MYOCD: variants seen among roughly 807,000 people sequenced by gnomAD.
MYOCD encodes the protein myocardin.
Under a neutral mutation model 96.1 loss-of-function variants are expected in MYOCD, and 32 were observed. That is an observed-to-expected ratio of 0.33 (90% confidence interval 0.25 to 0.45). MYOCD has a LOEUF of 0.45. Ranked by LOEUF, MYOCD falls within the 20% of genes least tolerant of loss-of-function variation. The pLI is 1.00. For missense variants in MYOCD, 1,133 were observed against 1,200.6 expected, an observed-to-expected ratio of 0.94 and a Z score of 0.83; for synonymous variants, 469 against 469.0, an observed-to-expected ratio of 1.00 and a Z score of 0.00.
At chr17:12,728,182 C>T (rs550179494) in intron 5 of MYOCD, among the ~76,000 whole-genome samples, 2 of 152,248 alleles carry the variant, frequency 1.3e-5, no homozygotes, top group East Asian at 3.9e-4. Context: ...GTAATTATTA[C>T]TGAAATATCC....
At chr17:12,749,717 ATGTGTGTGTG>A (rs1555535150) in intron 9 of MYOCD, among the ~76,000 whole-genome samples, 1 of 147,672 alleles carries the variant, frequency 6.8e-6, no homozygotes, top group African/African-American at 2.5e-5. Context: ...GTGTATATAT[ATGTGTGTGTG>A]TATATATATA....
chr17:12,676,534 T>C (rs1910069078), intron 1 of MYOCD, among the ~76,000 whole-genome samples: 1 of 149,772 alleles, frequency 6.7e-6, no homozygotes. Flanking sequence ...TCTCCTATAC[T>C]GAGTATTATT....
At chr17:12,713,754 G>A (rs1052107310) in intron 2 of MYOCD, among the ~76,000 whole-genome samples, 3 of 151,980 alleles carry the variant, frequency 2.0e-5, no homozygotes, top group Non-Finnish European at 4.4e-5. Flanking sequence ...TTCCACCTGC[G>A]ATCAAACACA....
chr17:12,765,502 G>A lies in MYOCD; in HGVS notation c.*1858G>A, dbSNP rs1278037881. 1 of 152,064 alleles carries A rather than the reference G, an allele frequency of 6.6e-6. No homozygotes were observed. Among genetic ancestry groups the A allele is most frequent in the Non-Finnish European group, 1.5e-5 (1 of 68,014 alleles). 9.4% of individuals were successfully genotyped at this position (152,064 alleles called of 1,614,324 possible). A position where few individuals can be genotyped will look rare whatever the true frequency, so the allele number is the denominator to read the frequency against. On this transcript the variant is annotated 3_prime_UTR_variant, in exon 14 of 14. Transcript: ENST00000425538. ...TGAAAGCTGCCAGATCTTATTCTGG[G>A]GGTGGGATGTGGAGGAATACACATA...
intron 4 of MYOCD, among the ~76,000 whole-genome samples, chr17:12,722,001 C>T (rs889594748): frequency 9.2e-5 from 14 of 152,164 alleles, no homozygotes; most frequent in Admixed American, 7.2e-4. Flanking sequence ...AGATCAGTGC[C>T]AGACACAGGG....
chr17:12,734,408 C>T (rs2032275312), intron 5 of MYOCD, among the ~76,000 whole-genome samples: 1 of 151,048 alleles, frequency 6.6e-6, no homozygotes, highest in South Asian at 2.1e-4. Flanking sequence ...CAAGAAAATG[C>T]AGTGACTTCT....
chr17:12,671,946 T>TC (rs1174850977), intron 1 of MYOCD: 1 of 152,264 alleles, frequency 6.6e-6, no homozygotes, highest in Admixed American at 6.5e-5. Context: ...CACATCTCTG[T>TC]CCAGATCAAG....
At chr17:12,699,574 T>A (rs1379117995) in intron 1 of MYOCD, among the ~76,000 whole-genome samples, 1 of 152,212 alleles carries the variant, frequency 6.6e-6, no homozygotes, top group African/African-American at 2.4e-5. Flanking sequence ...AGGCACCTTA[T>A]TTCATATTTA....
At chr17:12,737,347 G>A (rs1176054352) in intron 6 of MYOCD, among the ~76,000 whole-genome samples, 1 of 152,198 alleles carries the variant, frequency 6.6e-6, no homozygotes, top group South Asian at 2.1e-4. Flanking sequence ...AGTGCCAAGT[G>A]CATCACAAAA....
intron 5 of MYOCD, among the ~76,000 whole-genome samples, chr17:12,733,757 C>T (rs1373231541): frequency 6.6e-6 from 1 of 151,922 alleles, no homozygotes; most frequent in East Asian, 1.9e-4. Context: ...GTCCCAGCTA[C>T]TTGGGAGGCT....
chr17:12,683,484 C>A (rs531390683), intron 1 of MYOCD, among the ~76,000 whole-genome samples: 3 of 152,152 alleles, frequency 2.0e-5, no homozygotes, highest in Admixed American at 2.0e-4. Context: ...CTCTCCCGCT[C>A]CTTCTCTCTG....
intron 5 of MYOCD, 122 bp from the exon 6 acceptor site, chr17:12,736,039 C>A (rs2032329436): frequency 2.3e-6 from 2 of 874,988 alleles, no homozygotes; most frequent in Non-Finnish European, 3.6e-6. Flanking sequence ...CTTACCTAAA[C>A]TTAAAACAAA....
chr17:12,683,335 C>T (rs537650877), intron 1 of MYOCD, among the ~76,000 whole-genome samples: 3 of 152,218 alleles, frequency 2.0e-5, no homozygotes, highest in Admixed American at 1.3e-4. Flanking sequence ...AGTGGAAAAC[C>T]GTTTCAGAAG....
chr17:12,701,852 G>C, intron 1 of MYOCD, among the ~76,000 whole-genome samples: 1 of 152,012 alleles, frequency 6.6e-6, no homozygotes, highest in East Asian at 1.9e-4. Context: ...TATTGCCAAA[G>C]ATTTTTGTTA....
intron 2 of MYOCD, among the ~76,000 whole-genome samples, chr17:12,707,311 CTA>C (rs2031323588): frequency 6.6e-6 from 1 of 152,070 alleles, no homozygotes; most frequent in Non-Finnish European, 1.5e-5. Context: ...ATAAACCAGG[CTA>C]TGTACACGGG....
intron 1 of MYOCD, among the ~76,000 whole-genome samples, chr17:12,700,639 C>A (rs2150669013): frequency 6.6e-6 from 1 of 151,348 alleles, no homozygotes; most frequent in South Asian, 2.1e-4. Flanking sequence ...TGGTCTCGAT[C>A]TCCTGACCTC....
At chr17:12,741,498 A>G (rs566281646) in intron 7 of MYOCD, among the ~76,000 whole-genome samples, 9 of 152,314 alleles carry the variant, frequency 5.9e-5, no homozygotes, top group Admixed American at 2.6e-4. Context: ...ACCTGAGGTC[A>G]GGAGTTCGAG....
rs748690077 is a variant in MYOCD at position 12,763,161 on chromosome 17, C to T, written c.2478C>T (p.Leu826=). The change falls in exon 14 of 14, where the codon CTC becomes CTT. Residue 826 remains leucine (L), a synonymous_variant. Coordinates refer to ENST00000425538, the MANE Select transcript of MYOCD (RefSeq NM_001146312.3). ...CTTCCCGAAGTCCAACTGCTGTCCT[C>T]ACCAAGCCCTCGGCTTCCTTTGAAC... ...PRSSRSPTAV[L]TKPSASFEQA... 2 of 1,614,062 alleles carry T rather than the reference C, an allele frequency of 1.2e-6. No individual in the cohort carries two copies. Among genetic ancestry groups the T allele is most frequent in the Non-Finnish European group, 1.7e-6 (2 of 1,180,030 alleles).
chr17:12,749,282 G>A (rs1454132465), intron 9 of MYOCD, among the ~76,000 whole-genome samples: 2 of 151,968 alleles, frequency 1.3e-5, no homozygotes, highest in Non-Finnish European at 1.5e-5. Flanking sequence ...TAATCCTAGC[G>A]TTTGGGAGGC....
Sources: gnomAD v4.1 joint callset for allele counts (sites outside exome capture counted in the v4.1 genomes callset) on GRCh38, gnomAD v4.1.1 for gene constraint, MANE v1.5 for transcripts, NCBI Gene and HGNC (gene_info 2026-07-23, HGNC 2026-07-21) for gene names.